Variants in SLC25A26 observed in about 807,000 individuals in gnomAD.
SLC25A26 encodes solute carrier family 25 member 26, also known as mitochondrial S-adenosylmethionine carrier protein.
Under a neutral mutation model 37.8 loss-of-function variants are expected in SLC25A26, and 36 were observed. The ratio of observed to expected loss-of-function variants is 0.95; its 90% CI spans 0.73 to 1.26. The LOEUF is 1.26. SLC25A26 is among the 50% of genes most tolerant of loss of function. SLC25A26 has a pLI of 0.00. For synonymous variants in SLC25A26, 129 were observed against 122.5 expected, an observed-to-expected ratio of 1.05 and a Z score of -0.35; for missense variants, 390 against 331.1, an observed-to-expected ratio of 1.18 and a Z score of -1.38.
chr3:66,304,964 C>G (rs750679510), intron 5 of SLC25A26, among the ~76,000 whole-genome samples: 30 of 152,086 alleles, frequency 2.0e-4, no homozygotes, highest in Non-Finnish European at 3.4e-4. Context: ...AAAAGTGTAT[C>G]TTGTGATTTA....
chr3:66,160,421 A>G (rs780410294), intron 1 of SLC25A26, among the ~76,000 whole-genome samples: 10 of 152,200 alleles, frequency 6.6e-5, no homozygotes, highest in Non-Finnish European at 1.5e-4. Context: ...GAGCCAAAAC[A>G]CTGTCAAGAT....
chr3:66,139,537 G>T (rs1157652279), intron 1 of SLC25A26, among the ~76,000 whole-genome samples: 1 of 152,130 alleles, frequency 6.6e-6, no homozygotes, highest in Non-Finnish European at 1.5e-5. Flanking sequence ...TTCTTTCGCG[G>T]TCATTAGAGC....
chr3:66,296,641 C>T (rs1430117919), intron 5 of SLC25A26, among the ~76,000 whole-genome samples: 1 of 152,106 alleles, frequency 6.6e-6, no homozygotes, highest in African/African-American at 2.4e-5. Context: ...TAAATGTCTG[C>T]TTTACTTTTA....
chr3:66,358,579 C>G (rs1303745872), intron 6 of SLC25A26, among the ~76,000 whole-genome samples: 3 of 152,176 alleles, frequency 2.0e-5, no homozygotes, highest in Non-Finnish European at 4.4e-5. Context: ...ATGCCCACAC[C>G]AGAGTGTCCC....
chr3:66,217,612 A>G (rs1201175028), upstream of SLC25A26, among the ~76,000 whole-genome samples: 18 of 151,814 alleles, frequency 1.2e-4, no homozygotes, highest in Admixed American at 1.2e-3. Context: ...GCTGTGGCAC[A>G]ATCTCAGCTC....
At chr3:66,219,401 G>A (rs1261519547), upstream of SLC25A26, among the ~76,000 whole-genome samples, 3 of 152,186 alleles carry the variant, frequency 2.0e-5, no homozygotes, top group African/African-American at 7.2e-5. Flanking sequence ...TATAATTAAG[G>A]TCTCTAATCA....
At chr3:66,360,167 G>T (rs2076665657) in intron 6 of SLC25A26, among the ~76,000 whole-genome samples, 1 of 152,142 alleles carries the variant, frequency 6.6e-6, no homozygotes, top group South Asian at 2.1e-4. Flanking sequence ...TCCAGAGATA[G>T]TTGTCAGTGG....
At chr3:66,305,788 A>T (rs1318615392) in intron 5 of SLC25A26, among the ~76,000 whole-genome samples, 2 of 152,060 alleles carry the variant, frequency 1.3e-5, no homozygotes, top group Middle Eastern at 3.2e-3. Context: ...TTTGTAATAT[A>T]ATGATTTATA....
intron 9 of SLC25A26, among the ~76,000 whole-genome samples, chr3:66,374,587 TTAAA>T (rs1700535175): frequency 6.6e-6 from 1 of 152,224 alleles, no homozygotes; most frequent in Non-Finnish European, 1.5e-5. Context: ...CTTTCTCATT[TTAAA>T]TAAAAAACTC....
intron 1 of SLC25A26, among the ~76,000 whole-genome samples, chr3:66,212,066 C>G (rs1258735393): frequency 6.6e-6 from 1 of 152,158 alleles, no homozygotes; most frequent in Non-Finnish European, 1.5e-5. Flanking sequence ...GAGTGAGAGA[C>G]TACATTCACA....
intron 1 of SLC25A26, among the ~76,000 whole-genome samples, chr3:66,212,594 T>C (rs1170282108): frequency 2.0e-5 from 3 of 152,184 alleles, no homozygotes; most frequent in Non-Finnish European, 2.9e-5. Context: ...ACTGTATCCA[T>C]TGAACAATTC....
intron 5 of SLC25A26, among the ~76,000 whole-genome samples, chr3:66,285,545 T>C (rs371804132): frequency 1.7e-5 from 1 of 57,176 alleles, no homozygotes; most frequent in African/African-American, 9.2e-5. Flanking sequence ...CTGCAACCTC[T>C]GCCTCCCGGG....
At chr3:66,332,677 G>A (rs552135571) in intron 5 of SLC25A26, among the ~76,000 whole-genome samples, 1 of 152,112 alleles carries the variant, frequency 6.6e-6, no homozygotes, top group Non-Finnish European at 1.5e-5. Context: ...CTCCTAAAGT[G>A]CTAGGATTAC....
At chr3:66,174,319 C>T (rs1217339271) in intron 1 of SLC25A26, among the ~76,000 whole-genome samples, 1 of 152,228 alleles carries the variant, frequency 6.6e-6, no homozygotes, top group Non-Finnish European at 1.5e-5. Context: ...TATCCCCCCA[C>T]TTTTGCATTT....
intron 5 of SLC25A26, among the ~76,000 whole-genome samples, chr3:66,295,369 G>C (rs535473765): frequency 2.0e-5 from 3 of 151,090 alleles, no homozygotes; most frequent in Non-Finnish European, 4.4e-5. Context: ...GATTACAGGC[G>C]CATGCCACCA....
chr3:66,196,375 A>C (rs1344445095), intron 1 of SLC25A26, among the ~76,000 whole-genome samples: 2 of 152,170 alleles, frequency 1.3e-5, no homozygotes, highest in African/African-American at 4.8e-5. Flanking sequence ...GAGATGAATA[A>C]ATTGGGCTTA....
chr3:66,192,994 A>G (rs2070974682), intron 1 of SLC25A26, among the ~76,000 whole-genome samples: 1 of 152,166 alleles, frequency 6.6e-6, no homozygotes, highest in Non-Finnish European at 1.5e-5. Context: ...TTAATTAGAG[A>G]TAGTAATTAA....
intron 1 of SLC25A26, among the ~76,000 whole-genome samples, chr3:66,193,549 G>A (rs974898793): frequency 1 from 152,041 of 152,232 alleles, 75,925 homozygotes; most frequent in Non-Finnish European, 1. Flanking sequence ...TCTGGGCTTG[G>A]CAGCTCACAA....
chr3:66,168,623 T>A (rs904256549), intron 1 of SLC25A26, among the ~76,000 whole-genome samples: 3 of 152,166 alleles, frequency 2.0e-5, no homozygotes, highest in African/African-American at 7.2e-5. Flanking sequence ...AAAAATAAGC[T>A]TGTGTTTGGA....
Sources: allele counts gnomAD v4.1 joint callset (sites outside exome capture counted in the v4.1 genomes callset), GRCh38; gene constraint gnomAD v4.1.1; transcripts MANE v1.5; gene names NCBI Gene and HGNC (gene_info 2026-07-23, HGNC 2026-07-21).